The following TUSC3 variants were observed in gnomAD, a reference collection of about 807,000 sequenced individuals.
The protein encoded by TUSC3 is tumor suppressor candidate 3.
Under a neutral mutation model 44.8 loss-of-function variants are expected in TUSC3, and 45 were observed. The observed-to-expected ratio is 1.00, with a 90% confidence interval of 0.79 to 1.29. TUSC3 has a LOEUF of 1.29. Ranked by LOEUF, TUSC3 falls within the 50% of genes most tolerant of loss-of-function variation. The probability of loss-of-function intolerance (pLI) is 0.00; values close to 1 mark genes in which losing one functional copy is unlikely to be tolerated. For missense variants in TUSC3, 519 were observed against 437.9 expected (o/e 1.19, Z -1.65); for synonymous variants, 212 against 152.9 (o/e 1.39, Z -2.85).
At position 15,742,644 on chromosome 8, in the gene TUSC3, G is replaced by A. The variant is rs566294612; in HGVS notation, c.863-894G>A. On this transcript the variant is annotated intron_variant, in intron 7 of 10. Transcript: ENST00000503731. The stretch of plus-strand genomic sequence containing the variant: ...CATTGATGCTGTTTATACACAAATA[G>A]CAGTAGAAAGAAACACAAGGGAATC... Among the ~76,000 whole-genome samples the A allele has an allele frequency of 2.0e-5, 3 of 152,274 alleles. No individual in the cohort carries two copies. In the South Asian group the frequency reaches 6.2e-4, roughly 32 times the overall value.
intron 1 of TUSC3, among the ~76,000 whole-genome samples, chr8:15,459,646 A>G (rs1800314195): frequency 6.6e-6 from 1 of 151,844 alleles, no homozygotes; most frequent in African/African-American, 2.4e-5. Flanking sequence ...GAGTCTCCAA[A>G]ATCCATTGTA....
the TUSC3 span, among the ~76,000 whole-genome samples, chr8:15,820,198 A>G: frequency 1.3e-5 from 2 of 152,156 alleles, no homozygotes; most frequent in South Asian, 4.1e-4. Context: ...CATTCTTTAA[A>G]CACTACTTAT....
chr8:15,743,443 T>C (rs1206622288), intron 7 of TUSC3, 95 bp from the exon 8 acceptor site: 1 of 1,223,652 alleles, frequency 8.2e-7, no homozygotes, highest in African/African-American at 1.5e-5. Flanking sequence ...TGTGCATTTG[T>C]AGTTTAACCA....
At chr8:15,510,110 T>A (rs1801112081) in intron 2 of TUSC3, among the ~76,000 whole-genome samples, 1 of 152,096 alleles carries the variant, frequency 6.6e-6, no homozygotes, top group Non-Finnish European at 1.5e-5. Context: ...GAGTTCAAGG[T>A]TACAGTGAGC....
At chr8:15,552,803 A>G (rs1802102931) in intron 1 of TUSC3, among the ~76,000 whole-genome samples, 1 of 151,850 alleles carries the variant, frequency 6.6e-6, no homozygotes, top group South Asian at 2.1e-4. Flanking sequence ...AGTGAGGTTT[A>G]TATTTAGAAG....
Position 15,524,479 on chromosome 8 carries a change from T to C in TUSC3, n.189+40996T>C, listed in dbSNP as rs373491564. Among the ~76,000 whole-genome samples, 8 of 152,288 alleles carry C rather than the reference T, an allele frequency of 5.3e-5. No individual in the cohort carries two copies. The East Asian group carries it at 1.4e-3, about 26-fold the overall frequency. ...TTTCCATAAACTCAGAGGCTTTGCG[T>C]AAATTGATATTAAAGCCTATATTTT... On this transcript the variant is annotated intron_variant and non_coding_transcript_variant, in intron 2 of 5. Coordinates refer to the TUSC3 transcript ENST00000503191.
At chr8:15,789,323 G>T in the TUSC3 span, among the ~76,000 whole-genome samples, 3 of 152,112 alleles carry the variant, frequency 2.0e-5, no homozygotes, top group Non-Finnish European at 4.4e-5. Context: ...GAGCAGCCAA[G>T]CCTCCAGTCT....
intron 1 of TUSC3, among the ~76,000 whole-genome samples, chr8:15,475,506 T>C (rs961886127): frequency 6.6e-6 from 1 of 152,182 alleles, no homozygotes; most frequent in African/African-American, 2.4e-5. Context: ...TCCAAAGAGA[T>C]TTTTAAATTC....
chr8:15,701,171 A>G (rs1408821848), intron 6 of TUSC3, among the ~76,000 whole-genome samples: 1 of 152,132 alleles, frequency 6.6e-6, no homozygotes, highest in African/African-American at 2.4e-5. Context: ...TTAAATGCCT[A>G]TTTTAATAAG....
intron 6 of TUSC3, among the ~76,000 whole-genome samples, chr8:15,685,178 C>T (rs928073025): frequency 6.6e-6 from 1 of 152,104 alleles, no homozygotes; most frequent in Non-Finnish European, 1.5e-5. Context: ...GCTTCCCTGC[C>T]GGTTCAGAGG....
the TUSC3 span, among the ~76,000 whole-genome samples, chr8:15,794,447 G>A: frequency 6.6e-6 from 1 of 152,126 alleles, no homozygotes; most frequent in Admixed American, 6.5e-5. Context: ...TGAATGCACT[G>A]GAACTTATTG....
chr8:15,656,717 G>C (rs1292577895), intron 3 of TUSC3, among the ~76,000 whole-genome samples: 1 of 152,208 alleles, frequency 6.6e-6, no homozygotes, highest in Admixed American at 6.5e-5. Flanking sequence ...TTTCAGCAGA[G>C]GCCCTGCTGC....
intron 1 of TUSC3, among the ~76,000 whole-genome samples, chr8:15,619,768 C>A (rs576626852): frequency 6.6e-6 from 1 of 152,166 alleles, no homozygotes; most frequent in East Asian, 1.9e-4. Context: ...CCTCGGCCTC[C>A]CAAAGTGCTG....
chr8:15,677,069 G>C (rs1032018502), intron 6 of TUSC3, among the ~76,000 whole-genome samples: 1 of 151,974 alleles, frequency 6.6e-6, no homozygotes, highest in Non-Finnish European at 1.5e-5. Flanking sequence ...CTGTCACCTT[G>C]GTGCAGTGGT....
chr8:15,819,379 G>A, the TUSC3 span, among the ~76,000 whole-genome samples: 2 of 60,218 alleles, frequency 3.3e-5, no homozygotes, highest in African/African-American at 1.2e-4. Flanking sequence ...AATCATCTTG[G>A]TTTTATTGAA....
chr8:15,711,815 C>G (rs1358361491), intron 6 of TUSC3, among the ~76,000 whole-genome samples: 1 of 151,678 alleles, frequency 6.6e-6, no homozygotes, highest in Non-Finnish European at 1.5e-5. Flanking sequence ...TTTTAATTGA[C>G]AATTAGAATT....
chr8:15,653,789 CTA>C (rs1491174811), intron 3 of TUSC3, among the ~76,000 whole-genome samples: 1 of 152,158 alleles, frequency 6.6e-6, no homozygotes, highest in Non-Finnish European at 1.5e-5. Flanking sequence ...TTTTAACTGA[CTA>C]TTAAATCATA....
the TUSC3 span, among the ~76,000 whole-genome samples, chr8:15,785,227 A>G: frequency 1.3e-5 from 2 of 152,118 alleles, no homozygotes; most frequent in African/African-American, 4.8e-5. Context: ...CTGAAATTTT[A>G]AAAAGAAGAT....
At chr8:15,509,976 C>A (rs1229626213) in intron 2 of TUSC3, among the ~76,000 whole-genome samples, 2 of 152,092 alleles carry the variant, frequency 1.3e-5, no homozygotes, top group Admixed American at 1.3e-4. Context: ...TTGAGAGCAG[C>A]CTGAGCCACA....
Sources: gnomAD v4.1 joint callset for allele counts (sites outside exome capture counted in the v4.1 genomes callset) on GRCh38, gnomAD v4.1.1 for gene constraint, MANE v1.5 for transcripts, NCBI Gene and HGNC (gene_info 2026-07-23, HGNC 2026-07-21) for gene names.